TTC39C: variants seen among roughly 807,000 people sequenced by gnomAD.
TTC39C encodes tetratricopeptide repeat domain 39C.
In TTC39C, 33 loss-of-function variants were observed where a neutral mutation model predicts 76.3. The observed-to-expected ratio is 0.43, with a 90% confidence interval of 0.33 to 0.58. TTC39C has a LOEUF of 0.58. Ranked by LOEUF, TTC39C falls within the 20% of genes least tolerant of loss-of-function variation. The pLI, the probability that TTC39C is intolerant of heterozygous loss-of-function variation, is 0.04. For missense variants in TTC39C, 595 were observed against 701.4 expected (o/e 0.85, Z 1.71); for synonymous variants, 254 against 260.6 (o/e 0.97, Z 0.24).
chr18:24,003,667 A>C (rs953728532), intron 1 of TTC39C, among the ~76,000 whole-genome samples: 9 of 147,624 alleles, frequency 6.1e-5, no homozygotes. Flanking sequence ...TGTATGAAAA[A>C]AAAAAGCTCT....
chr18:24,048,403 T>C (rs979591046), intron 1 of TTC39C, among the ~76,000 whole-genome samples: 50 of 152,246 alleles, frequency 3.3e-4, no homozygotes, highest in Admixed American at 2.6e-4. Flanking sequence ...ACCCTATTTC[T>C]GACTTCTTTA....
chr18:24,133,940 CAGAA>C lies in TTC39C; in HGVS notation c.*1368_*1371del, dbSNP rs1416067583. On this transcript the variant is annotated 3_prime_UTR_variant, in exon 14 of 14. Transcript: ENST00000317571. ...TTTAATATTTCTTTTCAAAATAAAA[CAGAA>C]AAGCAAGTAGAATGTTGGCAAATTT... 2.0e-5 allele frequency: 3 copies of C among 152,434 alleles called. No homozygotes were observed. The highest frequency in any genetic ancestry group is 4.4e-5 in the Non-Finnish European group (3 of 68,082). 9.4% of individuals were successfully genotyped at this position (152,434 alleles called of 1,614,324 possible).
chr18:24,045,351 G>A (rs539327185), intron 1 of TTC39C, among the ~76,000 whole-genome samples: 1 of 151,496 alleles, frequency 6.6e-6, no homozygotes, highest in Admixed American at 6.6e-5. Context: ...GGCCAGGGGG[G>A]ATTTGTGTGC....
At chr18:24,054,376 T>C (rs1312815294) in intron 1 of TTC39C, among the ~76,000 whole-genome samples, 1 of 152,228 alleles carries the variant, frequency 6.6e-6, no homozygotes, top group African/African-American at 2.4e-5. Context: ...CACAGGGATG[T>C]AGAACAAGTA....
At position 24,072,180 on chromosome 18, in the gene TTC39C, G is replaced by T. The variant is rs534032697; in HGVS notation, c.460+2909G>T. On this transcript the variant is annotated intron_variant, in intron 4 of 13. Transcript: ENST00000317571. ...ACAAAGCTCCTTGTTGGAGATGTTT[G>T]TTATGGGTGGCCCTCCCCACCCTTG... 2.6e-5 allele frequency among the ~76,000 whole-genome samples: 4 copies of T among 151,336 alleles called. No individual in the cohort carries two copies. In the South Asian group the frequency reaches 8.3e-4, roughly 31 times the overall value.
At chr18:24,079,040 GA>G (rs1270482839) in intron 4 of TTC39C, among the ~76,000 whole-genome samples, 2 of 152,040 alleles carry the variant, frequency 1.3e-5, no homozygotes, top group African/African-American at 4.8e-5. Context: ...TATATTTTCT[GA>G]AATTTTAAAA....
intron 6 of TTC39C, among the ~76,000 whole-genome samples, chr18:24,100,571 CTCT>C (rs2084662335): frequency 6.6e-6 from 1 of 152,208 alleles, no homozygotes. Flanking sequence ...TGCAGTGTGA[CTCT>C]TCTTAGGGTT....
upstream of TTC39C, among the ~76,000 whole-genome samples, chr18:24,011,734 C>T (rs2083394794): frequency 6.6e-6 from 1 of 152,210 alleles, no homozygotes; most frequent in Non-Finnish European, 1.5e-5. Context: ...AAAATACTGG[C>T]AACACCCACT....
rs1285238685 is a variant in TTC39C, at chr18:24,130,422, G to A, written c.1623+5G>A. Reference sequence around the variant, plus strand: ...CTTCTATTAGACAAACCAGAGGTAAGATCTTATATATATAATATAATATAT... The same window carrying A: ...CTTCTATTAGACAAACCAGAGGTAAAATCTTATATATATAATATAATATAT... On this transcript the variant is annotated splice_donor_5th_base_variant and intron_variant, in intron 12 of 13. Coordinates refer to ENST00000317571, the MANE Select transcript of TTC39C (RefSeq NM_001135993.2). The A allele has an allele frequency of 2.3e-6, 3 of 1,286,048 alleles. No individual in the cohort carries two copies. The highest frequency in any genetic ancestry group is 3.2e-6 in the Non-Finnish European group (3 of 948,346). 79.7% of individuals were successfully genotyped at this position (1,286,048 alleles called of 1,614,324 possible).
At chr18:24,057,504 A>G (rs1478662168) in intron 1 of TTC39C, among the ~76,000 whole-genome samples, 1 of 152,252 alleles carries the variant, frequency 6.6e-6, no homozygotes, top group African/African-American at 2.4e-5. Flanking sequence ...GCCACTGTTC[A>G]GACTAGAACA....
At chr18:24,099,113 CGTGTGTGTGTGTGT>C (rs199519942) in intron 6 of TTC39C, 2 of 134,826 alleles carry the variant, frequency 1.5e-5, no homozygotes, top group African/African-American at 2.6e-5. Flanking sequence ...ATATATAAAA[CGTGTGTGTGTGTGT>C]GTGTGTGTGT....
chr18:24,105,328 ATACAGGGAAATTGACCCTT>A (rs2084732986), intron 6 of TTC39C, among the ~76,000 whole-genome samples: 1 of 152,254 alleles, frequency 6.6e-6, no homozygotes, highest in Admixed American at 6.5e-5. Context: ...TGAATAAAAG[ATACAGGGAAATTGACCCTT>A]TACAAACTGT....
At chr18:24,125,710 C>A in intron 10 of TTC39C, 160 bp downstream of exon 10, 2 of 913,190 alleles carry the variant, frequency 2.2e-6, no homozygotes, top group Non-Finnish European at 3.3e-6. Flanking sequence ...TGAAGAAAAT[C>A]CTGTCACTTA....
intron 1 of TTC39C, among the ~76,000 whole-genome samples, chr18:24,017,411 G>A (rs1422284813): frequency 1.3e-5 from 2 of 152,148 alleles, no homozygotes; most frequent in African/African-American, 4.8e-5. Context: ...CCACATTATC[G>A]TGTGGTGGTT....
At chr18:24,081,238 G>A (rs899470747) in intron 5 of TTC39C, among the ~76,000 whole-genome samples, 1 of 152,114 alleles carries the variant, frequency 6.6e-6, no homozygotes, top group Non-Finnish European at 1.5e-5. Context: ...TGAGATTCAC[G>A]ATTCTGATTT....
chr18:24,045,916 T>TGTATATGTAC lies in TTC39C; in HGVS notation c.168-18224_168-18223insGTATATGTAC, dbSNP rs1555769989. 1.9e-3 allele frequency among the ~76,000 whole-genome samples: 75 copies of TGTATATGTAC among 39,296 alleles called. 2 individuals are homozygous for TGTATATGTAC. The highest frequency in any genetic ancestry group is 0.012 in the South Asian group (11 of 902). The allele number at this position is 39,296 out of a possible 152,430, so 25.8% of individuals were successfully genotyped here. Reference sequence around the variant, plus strand: ...AAATATATATATATATATATATATATATATATATATATTTTTTTTTTTTTT... The same window carrying TGTATATGTAC: ...AAATATATATATATATATATATATATGTATATGTACATATATATATATTTTTTTTTTTTTT... On this transcript the variant is annotated intron_variant, in intron 1 of 13. Coordinates refer to ENST00000317571, the MANE Select transcript of TTC39C (RefSeq NM_001135993.2).
chr18:24,059,218 T>A (rs1040823123), intron 1 of TTC39C, among the ~76,000 whole-genome samples: 4 of 152,244 alleles, frequency 2.6e-5, no homozygotes, highest in Admixed American at 1.3e-4. Flanking sequence ...TTTAATTTTT[T>A]AAAAAACTTT....
At position 24,061,612 on chromosome 18, in the gene TTC39C, A is replaced by AG. The variant is rs1555771955; in HGVS notation, c.168-2528_168-2527insG. On this transcript the variant is annotated intron_variant, in intron 1 of 13. Transcript: ENST00000317571. ...AATAAGTAAAAAAAAAAAAAAAAAA[A>AG]AAAAGCGTGGGCTGGGTGTGGTGGC... is the stretch of plus-strand genomic sequence containing the variant. 6.4e-3 allele frequency among the ~76,000 whole-genome samples: 971 copies of AG among 150,682 alleles called. 11 individuals carry two copies. Among genetic ancestry groups the AG allele is most frequent in the African/African-American group, 0.023 (939 of 40,798 alleles).
At chr18:24,111,012 A>C (rs1392767073) in intron 6 of TTC39C, among the ~76,000 whole-genome samples, 1 of 147,584 alleles carries the variant, frequency 6.8e-6, no homozygotes, top group Non-Finnish European at 1.5e-5. Context: ...TTTTTTTGAG[A>C]TGGAGTCTCA....
Sources: allele counts gnomAD v4.1 joint callset (sites outside exome capture counted in the v4.1 genomes callset), GRCh38; gene constraint gnomAD v4.1.1; transcripts MANE v1.5; gene names NCBI Gene and HGNC (gene_info 2026-07-23, HGNC 2026-07-21).